NCEH1: variants seen among roughly 807,000 people sequenced by gnomAD.
NCEH1 encodes the protein 2-acetyl MAGE hydrolase.
A neutral mutation model predicts 25.4 loss-of-function variants in NCEH1; 9 were observed. The ratio of observed to expected loss-of-function variants is 0.35; its 90% CI spans 0.21 to 0.62. NCEH1 has a LOEUF of 0.62. Ranked by LOEUF, NCEH1 falls within the 20% of genes least tolerant of loss-of-function variation. The pLI, the probability that NCEH1 is intolerant of heterozygous loss-of-function variation, is 0.72. For synonymous variants in NCEH1, 200 were observed against 199.8 expected, an observed-to-expected ratio of 1.00 and a Z score of -0.01; for missense variants, 412 against 501.1, an observed-to-expected ratio of 0.82 and a Z score of 1.70.
At chr3:172,674,389 G>A (rs377407477) in intron 1 of NCEH1, among the ~76,000 whole-genome samples, 2 of 149,566 alleles carry the variant, frequency 1.3e-5, no homozygotes, top group African/African-American at 2.5e-5. Flanking sequence ...GTTGCAGTGA[G>A]TGGAGATCGC....
At chr3:172,700,561 G>C (rs1713623413) in intron 1 of NCEH1, among the ~76,000 whole-genome samples, 1 of 152,130 alleles carries the variant, frequency 6.6e-6, no homozygotes. Context: ...TGTCACCCAG[G>C]CTAGAGTGTA....
At chr3:172,706,010 C>CAAA (rs35383888) in intron 1 of NCEH1, among the ~76,000 whole-genome samples, 6 of 103,930 alleles carry the variant, frequency 5.8e-5, no homozygotes, top group African/African-American at 1.9e-4. Context: ...CAACAACAAC[C>CAAA]AAAAAAAAAA....
chr3:172,700,499 C>T (rs1713619559), intron 1 of NCEH1, among the ~76,000 whole-genome samples: 1 of 152,154 alleles, frequency 6.6e-6, no homozygotes, highest in Non-Finnish European at 1.5e-5. Flanking sequence ...GCCAGCATAA[C>T]TGATCACATG....
chr3:172,633,372 G>T lies in NCEH1; in HGVS notation c.*103C>A. The T allele has an allele frequency of 9.3e-7, 1 of 1,079,478 alleles. No individual in the cohort carries two copies. The highest frequency in any genetic ancestry group is 1.5e-5 in the South Asian group (1 of 64,550). 66.9% of individuals were successfully genotyped at this position (1,079,478 alleles called of 1,614,324 possible). On this transcript the variant is annotated 3_prime_UTR_variant, in exon 5 of 5. Coordinates refer to ENST00000475381, the MANE Select transcript of NCEH1 (RefSeq NM_020792.6). The stretch of plus-strand genomic sequence containing the variant: ...ATAGAAATTCCATAACTCGCAAGTA[G>T]AGGGGAATGGGAGGAAGAATTAGTC...
In NCEH1 at chr3:172,655,611, G is replaced by C. The variant is rs145728901; in HGVS notation, c.139-7497C>G. ...CCACCGCCCTGACCTAGTAAGAACA[G>C]AAAGAGAACCCACAAGGTATCAAAG... On this transcript the variant is annotated intron_variant, in intron 1 of 4. Transcript: ENST00000475381. Among the ~76,000 whole-genome samples the C allele has an allele frequency of 3.5e-4, 53 of 152,334 alleles. No individual in the cohort carries two copies. In the East Asian group the frequency reaches 9.6e-3, roughly 28 times the overall value.
intron 1 of NCEH1, among the ~76,000 whole-genome samples, chr3:172,675,233 G>C (rs536994629): frequency 6.6e-6 from 1 of 151,962 alleles, no homozygotes; most frequent in Admixed American, 6.6e-5. Flanking sequence ...AACGTGGGAG[G>C]TGGAGGCTGC....
chr3:172,647,970 A>G lies in NCEH1; in HGVS notation c.283T>C (p.Phe95Leu), dbSNP rs2108496699. The change falls in exon 2 of 5, where the codon TTT (phenylalanine) becomes CTT (leucine). Residue 95 changes from phenylalanine to leucine, a missense_variant. Transcript: ENST00000475381. ...TCTTCGGGCTTCGGAGGGCCTTCAAACACTCTGACTTCCACACCATCAAAG... is the reference window on the plus strand; with the variant it reads ...TCTTCGGGCTTCGGAGGGCCTTCAAGCACTCTGACTTCCACACCATCAAAG... ...TDFDGVEVRV[F>L]EGPPKPEEPL... 6.2e-7 allele frequency: 1 copy of G among 1,614,188 alleles called. No homozygotes were observed. The highest frequency in any genetic ancestry group is 8.5e-7 in the Non-Finnish European group (1 of 1,180,030).
At chr3:172,697,390 C>T (rs890540041) in intron 1 of NCEH1, among the ~76,000 whole-genome samples, 1 of 152,184 alleles carries the variant, frequency 6.6e-6, no homozygotes, top group African/African-American at 2.4e-5. Flanking sequence ...GCCACTGGAT[C>T]ATACCCAAAT....
At chr3:172,641,458 T>TA (rs1383408110) in intron 3 of NCEH1, among the ~76,000 whole-genome samples, 3 of 152,146 alleles carry the variant, frequency 2.0e-5, no homozygotes, top group African/African-American at 7.2e-5. Context: ...GTGATTCCAT[T>TA]ACCAAGGCTG....
At chr3:172,710,800 A>G in intron 1 of NCEH1, 47 bp downstream of exon 1, 2 of 1,604,264 alleles carry the variant, frequency 1.2e-6, no homozygotes, top group South Asian at 1.1e-5. Flanking sequence ...CCCTTCAAAT[A>G]TTGCGTAAGA....
chr3:172,652,615 TC>T (rs1717454352), intron 1 of NCEH1, among the ~76,000 whole-genome samples: 1 of 152,208 alleles, frequency 6.6e-6, no homozygotes, highest in Non-Finnish European at 1.5e-5. Context: ...AAAATATAGA[TC>T]AAGTTATATT....
In NCEH1 at chr3:172,634,086, G is replaced by A; in HGVS notation, c.616C>T (p.Gln206Ter). ...LAAALGQQFT[Q>*]DASLKNKLKL... ...AGCTTATTTTTTAGGCTGGCATCTT[G>A]AGTAAACTAGAGAAGAGGAAGCAAA... The change falls in exon 5 of 5, where the codon CAA becomes TAA. Residue 206 changes from glutamine to a stop codon, truncating the protein, a stop_gained. Coordinates refer to ENST00000475381, the MANE Select transcript of NCEH1 (RefSeq NM_020792.6). LOFTEE classifies it low-confidence loss of function (END_TRUNC). 6.2e-7 allele frequency: 1 copy of A among 1,612,428 alleles called. No individual in the cohort carries two copies. Among genetic ancestry groups the A allele is most frequent in the Non-Finnish European group, 8.5e-7 (1 of 1,179,334 alleles).
intron 1 of NCEH1, among the ~76,000 whole-genome samples, chr3:172,687,161 G>A (rs1320734545): frequency 6.6e-6 from 1 of 152,162 alleles, no homozygotes; most frequent in Non-Finnish European, 1.5e-5. Context: ...GCTTGGTTTT[G>A]TTGATGGTTT....
chr3:172,679,440 C>G (rs761038488), intron 1 of NCEH1, among the ~76,000 whole-genome samples: 4 of 152,000 alleles, frequency 2.6e-5, no homozygotes, highest in Non-Finnish European at 5.9e-5. Context: ...ACTTTTTACA[C>G]CCCCCACCCC....
chr3:172,667,992 G>A (rs890906068), intron 1 of NCEH1, among the ~76,000 whole-genome samples: 4 of 152,098 alleles, frequency 2.6e-5, no homozygotes, highest in Admixed American at 6.6e-5. Context: ...TCAAGTTCCC[G>A]TCTCATAACA....
chr3:172,660,320 G>C (rs1435112333), intron 1 of NCEH1, among the ~76,000 whole-genome samples: 1 of 152,078 alleles, frequency 6.6e-6, no homozygotes, highest in Non-Finnish European at 1.5e-5. Flanking sequence ...ATTTTTTATG[G>C]CTGCATAGTA....
intron 1 of NCEH1, among the ~76,000 whole-genome samples, chr3:172,694,986 G>A (rs1017674591): frequency 3.4e-5 from 5 of 147,872 alleles, no homozygotes; most frequent in African/African-American, 1.2e-4. Context: ...AGTGCTGTTC[G>A]TCTTGTGAAT....
At chr3:172,702,698 T>G (rs1233132944) in intron 1 of NCEH1, among the ~76,000 whole-genome samples, 1 of 152,192 alleles carries the variant, frequency 6.6e-6, no homozygotes, top group Non-Finnish European at 1.5e-5. Context: ...GAAAATTCAA[T>G]TACAGGTAGG....
intron 1 of NCEH1, among the ~76,000 whole-genome samples, chr3:172,658,631 C>A (rs1000975251): frequency 6.6e-6 from 1 of 152,126 alleles, no homozygotes; most frequent in Admixed American, 6.6e-5. Flanking sequence ...AATTTCATGA[C>A]AAGCTACAAA....
Sources: gnomAD v4.1 joint callset for allele counts (sites outside exome capture counted in the v4.1 genomes callset) on GRCh38, gnomAD v4.1.1 for gene constraint, MANE v1.5 for transcripts, NCBI Gene and HGNC (gene_info 2026-07-23, HGNC 2026-07-21) for gene names.